Variants in FILIP1L observed in about 807,000 individuals in gnomAD.
FILIP1L encodes filamin A-interacting protein 1-like.
FILIP1L carries 55 observed loss-of-function variants against 96.6 expected under a neutral mutation model. The observed-to-expected ratio is 0.57, with a 90% confidence interval of 0.46 to 0.71. The LOEUF (loss-of-function observed/expected upper bound fraction) is 0.71, where lower values mean the gene tolerates loss of function less well. Among genes scored for constraint, FILIP1L ranks in the 30% least tolerant of loss-of-function variants. The pLI is 0.00. For missense variants in FILIP1L, 1,304 were observed against 1,321.2 expected (o/e 0.99, Z 0.20); for synonymous variants, 467 against 473.9 (o/e 0.99, Z 0.19).
intron 1 of FILIP1L, among the ~76,000 whole-genome samples, chr3:99,990,765 T>A (rs894585342): frequency 2.0e-5 from 3 of 151,870 alleles, no homozygotes; most frequent in African/African-American, 7.3e-5. Context: ...AGAAAAAAAA[T>A]TTACCTATAT....
At chr3:100,092,229 G>T (rs1456380858) in intron 1 of FILIP1L, among the ~76,000 whole-genome samples, 2 of 152,116 alleles carry the variant, frequency 1.3e-5, no homozygotes, top group Non-Finnish European at 2.9e-5. Context: ...TTCTATAACA[G>T]TATTAAATAA....
intron 1 of FILIP1L, among the ~76,000 whole-genome samples, chr3:99,984,422 C>T (rs1470110657): frequency 6.6e-6 from 1 of 152,154 alleles, no homozygotes; most frequent in East Asian, 1.9e-4. Context: ...AGTTAGTCTG[C>T]ATTAGCTCAT....
chr3:99,908,823 G>A (rs545633224), intron 4 of FILIP1L, among the ~76,000 whole-genome samples: 2 of 151,786 alleles, frequency 1.3e-5, no homozygotes, highest in South Asian at 2.1e-4. Flanking sequence ...TGTATTTTTT[G>A]TATAGAATAT....
At chr3:100,021,958 TGTGAGAGAGAGA>T (rs1198992620) in intron 1 of FILIP1L, among the ~76,000 whole-genome samples, 104 of 94,920 alleles carry the variant, frequency 1.1e-3, no homozygotes, top group African/African-American at 2.8e-3. Flanking sequence ...TGTGTGTGTG[TGTGAGAGAGAGA>T]GAGAGAGAGA....
At chr3:100,048,029 G>A (rs987255145) in intron 1 of FILIP1L, among the ~76,000 whole-genome samples, 1 of 152,078 alleles carries the variant, frequency 6.6e-6, no homozygotes, top group Non-Finnish European at 1.5e-5. Flanking sequence ...AAAGTGAAAG[G>A]GTTTAAATTA....
intron 1 of FILIP1L, among the ~76,000 whole-genome samples, chr3:100,110,708 G>C (rs539085936): frequency 6.6e-6 from 1 of 152,250 alleles, no homozygotes; most frequent in South Asian, 2.1e-4. Context: ...GCTCTGTATA[G>C]CTCTCCATTA....
chr3:100,109,029 T>C (rs952713570), intron 1 of FILIP1L, among the ~76,000 whole-genome samples: 3 of 151,556 alleles, frequency 2.0e-5, no homozygotes, highest in African/African-American at 7.3e-5. Flanking sequence ...GTCGGTATTA[T>C]ACAAGAACAG....
intron 4 of FILIP1L, among the ~76,000 whole-genome samples, chr3:99,877,086 C>A (rs1291010175): frequency 6.6e-6 from 1 of 152,146 alleles, no homozygotes; most frequent in African/African-American, 2.4e-5. Context: ...AATCCTACTT[C>A]TTGTGAATGA....
intron 1 of FILIP1L, among the ~76,000 whole-genome samples, chr3:100,087,475 A>G (rs755742745): frequency 6.6e-5 from 10 of 152,160 alleles, no homozygotes; most frequent in Non-Finnish European, 1.3e-4. Context: ...TTGTATTTCC[A>G]CAATGACTAA....
intron 1 of FILIP1L, among the ~76,000 whole-genome samples, chr3:100,027,263 G>T (rs2064941652): frequency 6.6e-6 from 1 of 152,064 alleles, no homozygotes; most frequent in Non-Finnish European, 1.5e-5. Flanking sequence ...CGTGGATAGG[G>T]ACTTTATATG....
intron 1 of FILIP1L, among the ~76,000 whole-genome samples, chr3:100,077,436 G>A (rs2065867286): frequency 6.6e-6 from 1 of 152,208 alleles, no homozygotes; most frequent in East Asian, 1.9e-4. Context: ...AAGGTGGTTA[G>A]CTATTAAGCC....
At chr3:99,879,019 A>G (rs1006582996) in intron 4 of FILIP1L, among the ~76,000 whole-genome samples, 3 of 152,210 alleles carry the variant, frequency 2.0e-5, no homozygotes, top group African/African-American at 7.2e-5. Context: ...AGAGAGTTTT[A>G]CTTCCTAACC....
At chr3:99,967,361 TG>T (rs1217750761) in intron 1 of FILIP1L, among the ~76,000 whole-genome samples, 2 of 152,224 alleles carry the variant, frequency 1.3e-5, no homozygotes, top group Non-Finnish European at 2.9e-5. Flanking sequence ...GCACTTTACA[TG>T]CATTGAGAGA....
chr3:100,039,333 G>A (rs1445841991), intron 1 of FILIP1L, among the ~76,000 whole-genome samples: 2 of 152,126 alleles, frequency 1.3e-5, no homozygotes, highest in Non-Finnish European at 2.9e-5. Flanking sequence ...GTACAGCCAA[G>A]ACTCACCTGC....
chr3:99,845,825 G>A (rs1943339113), intron 5 of FILIP1L, among the ~76,000 whole-genome samples: 1 of 152,052 alleles, frequency 6.6e-6, no homozygotes. Flanking sequence ...TTTTGATGCT[G>A]ATACAAATTA....
At chr3:100,095,761 A>C (rs2066194431) in intron 1 of FILIP1L, among the ~76,000 whole-genome samples, 1 of 152,170 alleles carries the variant, frequency 6.6e-6, no homozygotes. Flanking sequence ...CAAAGCAAAA[A>C]TGGACAAATG....
chr3:99,850,355 A>G lies in FILIP1L; in HGVS notation c.1321T>C (p.Cys441Arg), dbSNP rs1328101006. 1.2e-6 allele frequency: 2 copies of G among 1,612,976 alleles called. No homozygotes were observed. The highest frequency in any genetic ancestry group is 1.3e-5 in the African/African-American group (1 of 74,856). The change falls in exon 5 of 6, where the codon TGC (cysteine) becomes CGC (arginine). Residue 441 changes from cysteine (C) to arginine (R), a missense_variant. Coordinates refer to ENST00000477258, the MANE Select transcript of FILIP1L (RefSeq NM_001387850.1). ...EDAFNKSKQE[C>R]YSLKCNLEKE... ...TCTAAATTGCATTTCAGAGAGTAGC[A>G]TTCTTGTTTGCTTTTGTTGAAAGCG... is the stretch of plus-strand genomic sequence containing the variant.
chr3:100,038,027 T>G (rs1156915286), intron 1 of FILIP1L, among the ~76,000 whole-genome samples: 1 of 149,454 alleles, frequency 6.7e-6, no homozygotes, highest in East Asian at 2.0e-4. Flanking sequence ...CAATCTCGGC[T>G]CACTGCAACC....
At chr3:100,112,372 C>T (rs973841914) in intron 1 of FILIP1L, among the ~76,000 whole-genome samples, 6 of 152,086 alleles carry the variant, frequency 3.9e-5, no homozygotes, top group South Asian at 2.1e-4. Context: ...GCCTGACTCT[C>T]GGCAAGTTGC....
Sources: gnomAD v4.1 joint callset for allele counts (sites outside exome capture counted in the v4.1 genomes callset) on GRCh38, gnomAD v4.1.1 for gene constraint, MANE v1.5 for transcripts, NCBI Gene and HGNC (gene_info 2026-07-23, HGNC 2026-07-21) for gene names.